PCDH15: variants seen among roughly 807,000 people sequenced by gnomAD.
The protein encoded by PCDH15 is protocadherin related 15.
PCDH15 carries 129 observed loss-of-function variants against 178.5 expected under a neutral mutation model. That is an observed-to-expected ratio of 0.72 (90% CI 0.63 to 0.84). The LOEUF (loss-of-function observed/expected upper bound fraction) is 0.84, where lower values mean the gene tolerates loss of function less well. Among genes scored for constraint, PCDH15 ranks in the 40% least tolerant of loss-of-function variants. PCDH15 has a pLI of 0.00. For synonymous variants in PCDH15, 800 were observed against 732.0 expected, an observed-to-expected ratio of 1.09 and a Z score of -1.50; for missense variants, 2,230 against 2,099.9, an observed-to-expected ratio of 1.06 and a Z score of -1.21.
intron 2 of PCDH15, among the ~76,000 whole-genome samples, chr10:54,911,873 G>T (rs77015409): frequency 6.6e-6 from 1 of 152,166 alleles, no homozygotes; most frequent in Admixed American, 6.6e-5. Flanking sequence ...CAGCCATGCA[G>T]AACTGTGAGT....
chr10:55,073,614 C>T (rs932182169), intron 2 of PCDH15, among the ~76,000 whole-genome samples: 1 of 152,082 alleles, frequency 6.6e-6, no homozygotes, highest in Non-Finnish European at 1.5e-5. Flanking sequence ...TTTTCTTTCT[C>T]GTTGTGCCTT....
chr10:55,183,825 T>C (rs1414073286), intron 1 of PCDH15, among the ~76,000 whole-genome samples: 1 of 151,980 alleles, frequency 6.6e-6, no homozygotes, highest in Non-Finnish European at 1.5e-5. Context: ...TTTATCCCTA[T>C]TTGCCTTGCA....
chr10:55,266,831 T>C (rs557674015), intron 1 of PCDH15, among the ~76,000 whole-genome samples: 1 of 152,310 alleles, frequency 6.6e-6, no homozygotes, highest in South Asian at 2.1e-4. Flanking sequence ...AAACCACCTC[T>C]GTTCTTGCAA....
At chr10:55,433,907 G>A (rs1838956057) in intron 2 of PCDH15, among the ~76,000 whole-genome samples, 1 of 151,842 alleles carries the variant, frequency 6.6e-6, no homozygotes, top group East Asian at 1.9e-4. Flanking sequence ...TTGAGAAGTA[G>A]TGCCCTATCT....
At position 55,163,681 on chromosome 10, in the gene PCDH15, C is replaced by T. The variant is rs570999954; in HGVS notation, c.-80+2895G>A. On this transcript the variant is annotated intron_variant, in intron 2 of 5. Transcript: ENST00000458638. ...GAAGAAAGTCACCTCTGGTCATCCTCAGTAGTCATTATTCACTAATTATAA... is the reference window on the plus strand; with the variant it reads ...GAAGAAAGTCACCTCTGGTCATCCTTAGTAGTCATTATTCACTAATTATAA... 8.6e-4 allele frequency among the ~76,000 whole-genome samples: 131 copies of T among 152,214 alleles called. 1 individual carries two copies. The highest frequency in any genetic ancestry group is 2.9e-3 in the African/African-American group (119 of 41,540).
At chr10:55,074,833 A>G (rs1779252) in intron 2 of PCDH15, among the ~76,000 whole-genome samples, 85,366 of 151,918 alleles carry the variant, frequency 0.56, 24,403 homozygotes, top group East Asian at 0.75. Context: ...TTCTTCTAAG[A>G]TTTTTATGTT....
chr10:55,281,610 C>T (rs1309637660), intron 1 of PCDH15, among the ~76,000 whole-genome samples: 1 of 151,990 alleles, frequency 6.6e-6, no homozygotes, highest in Non-Finnish European at 1.5e-5. Flanking sequence ...TGTATTCATC[C>T]CAGTGCTTCA....
chr10:55,403,041 G>A (rs1305705857), intron 2 of PCDH15, among the ~76,000 whole-genome samples: 2 of 151,978 alleles, frequency 1.3e-5, no homozygotes, highest in Non-Finnish European at 2.9e-5. Context: ...ATATCTCATT[G>A]TGGTTTTGAT....
At chr10:54,292,102 A>G (rs2133040735) in intron 8 of PCDH15, among the ~76,000 whole-genome samples, 1 of 152,342 alleles carries the variant, frequency 6.6e-6, no homozygotes, top group East Asian at 1.9e-4. Context: ...ATCCAGCAGC[A>G]CAAGAAAAAG....
intron 2 of PCDH15, among the ~76,000 whole-genome samples, chr10:54,658,254 G>T (rs774879843): frequency 1.6e-4 from 25 of 152,044 alleles, no homozygotes; most frequent in Non-Finnish European, 2.9e-4. Flanking sequence ...TCTTGTCAGA[G>T]AGGAGGACAT....
intron 15 of PCDH15, among the ~76,000 whole-genome samples, chr10:54,130,423 G>A (rs1025127871): frequency 2.6e-5 from 4 of 152,196 alleles, no homozygotes; most frequent in African/African-American, 9.6e-5. Flanking sequence ...TTCACTGGCC[G>A]GTGAGAACGC....
chr10:54,854,980 C>T (rs1036430737), intron 3 of PCDH15, among the ~76,000 whole-genome samples: 1 of 152,216 alleles, frequency 6.6e-6, no homozygotes, highest in Non-Finnish European at 1.5e-5. Context: ...CAGTTCCAAG[C>T]TATGTTAAAA....
chr10:55,544,242 A>C (rs1186993481), intron 2 of PCDH15, among the ~76,000 whole-genome samples: 1 of 149,004 alleles, frequency 6.7e-6, no homozygotes, highest in Admixed American at 6.8e-5. Context: ...ATATAGATAG[A>C]AATTATGAAA....
At chr10:53,970,471 C>G (rs1325148648) in intron 21 of PCDH15, among the ~76,000 whole-genome samples, 3 of 150,978 alleles carry the variant, frequency 2.0e-5, no homozygotes, top group African/African-American at 7.3e-5. Context: ...AAACAAAAAA[C>G]TCTTCCAAAA....
chr10:54,594,297 C>A (rs2092072923), intron 2 of PCDH15, among the ~76,000 whole-genome samples: 1 of 152,098 alleles, frequency 6.6e-6, no homozygotes, highest in African/African-American at 2.4e-5. Flanking sequence ...GCCAGGGATG[C>A]CCATCCCCCT....
At chr10:54,776,820 C>T (rs1053157989) in intron 1 of PCDH15, among the ~76,000 whole-genome samples, 6 of 152,098 alleles carry the variant, frequency 3.9e-5, no homozygotes, top group South Asian at 4.1e-4. Context: ...CGTCACCACA[C>T]GGCATAGAGA....
intron 9 of PCDH15, among the ~76,000 whole-genome samples, chr10:54,227,451 C>T (rs1402191414): frequency 3.3e-5 from 5 of 152,174 alleles, no homozygotes; most frequent in Admixed American, 2.0e-4. Context: ...CCCAAGGCTG[C>T]ACAAGCATGG....
chr10:53,903,171 T>C (rs750061733), intron 26 of PCDH15, 72 bp downstream of exon 26: 4 of 1,573,516 alleles, frequency 2.5e-6, no homozygotes, highest in Non-Finnish European at 3.5e-6. Context: ...TAATGCAAAC[T>C]ACAGGCTTAC....
At chr10:55,088,170 G>T (rs566145408) in intron 2 of PCDH15, among the ~76,000 whole-genome samples, 35 of 151,990 alleles carry the variant, frequency 2.3e-4, no homozygotes, top group Admixed American at 2.2e-3. Context: ...AAAATGTAAA[G>T]GTCCTTACAT....
Sources: allele counts gnomAD v4.1 joint callset (sites outside exome capture counted in the v4.1 genomes callset), GRCh38; gene constraint gnomAD v4.1.1; transcripts MANE v1.5; gene names NCBI Gene and HGNC (gene_info 2026-07-23, HGNC 2026-07-21).